KRT83: variants seen among roughly 807,000 people sequenced by gnomAD.
The protein encoded by KRT83 is keratin, type II cuticular Hb3.
A neutral mutation model predicts 52.9 loss-of-function variants in KRT83; 51 were observed. The observed-to-expected ratio is 0.96, with a 90% CI of 0.77 to 1.22. KRT83 has a LOEUF of 1.22. Among genes scored for constraint, KRT83 ranks in the 50% most tolerant of loss-of-function variants. KRT83 has a pLI of 0.00. For synonymous variants in KRT83, 278 were observed against 274.1 expected, an observed-to-expected ratio of 1.01 and a Z score of -0.14; for missense variants, 654 against 666.5, an observed-to-expected ratio of 0.98 and a Z score of 0.21.
chr12:52,316,002 G>A lies in KRT83; in HGVS notation c.1153C>T (p.Gln385Ter). 2 of 1,613,346 alleles carry A rather than the reference G, an allele frequency of 1.2e-6. No homozygotes were observed. The highest frequency in any genetic ancestry group is 1.7e-6 in the Non-Finnish European group (2 of 1,179,944). The change falls in exon 7 of 9, where the codon CAA (glutamine) becomes TAA (stop). Residue 385 changes from glutamine to a stop codon, truncating the protein, a stop_gained. Transcript: ENST00000293670. LOFTEE classifies it high-confidence loss of function. ...TCCCTGATCAGGCAGGCCATGTCTT[G>A]CTTGGCCTTCTGCAGGGCGCCCTCC... ...ELEGALQKAK[Q>*]DMACLIREYQ...
Position 52,316,014 on chromosome 12 carries a change from GC to G in KRT83, c.1140del (p.Gln381ArgfsTer10). 6.2e-7 allele frequency: 1 copy of G among 1,613,456 alleles called. No homozygotes were observed. Among genetic ancestry groups the G allele is most frequent in the Non-Finnish European group, 8.5e-7 (1 of 1,179,962 alleles). ...RCKLAELEGA[L>X]QKAKQDMACL... is the part of the protein sequence containing the mutation. ...CAGGCCATGTCTTGCTTGGCCTTCT[GC>G]AGGGCGCCCTCCAGCTCGGCCAGCT... is the stretch of plus-strand genomic sequence containing the variant. On this transcript the variant is annotated frameshift_variant, in exon 7 of 9. Coordinates refer to ENST00000293670, the MANE Select transcript of KRT83 (RefSeq NM_002282.3). LOFTEE classifies it high-confidence loss of function.
chr12:52,314,946 A>AGGTAT, intron 8 of KRT83, 128 bp from the exon 9 acceptor site: 3 of 967,542 alleles, frequency 3.1e-6, no homozygotes, highest in Middle Eastern at 3.2e-4. Flanking sequence ...TCTATTCTGA[A>AGGTAT]GGAGGGAACC....
intron 5 of KRT83, 120 bp from the exon 6 acceptor site, chr12:52,316,713 G>A (rs1938693604): frequency 6.3e-7 from 1 of 1,591,598 alleles, no homozygotes; most frequent in African/African-American, 1.3e-5. Flanking sequence ...TGGCAGTCCT[G>A]CCCTGCCACC....
Position 52,314,666 on chromosome 12 carries a change from A to G in KRT83, c.1447T>C (p.Cys483Arg). Reference sequence around the variant, plus strand: ...CCCTGGCCGCAGGAGCCCCCTCCACAGGTGGTGTTCAGCTGGCCACAGGGC... The same window carrying G: ...CCCTGGCCGCAGGAGCCCCCTCCACGGGTGGTGTTCAGCTGGCCACAGGGC... Reference protein sequence around the residue: ...CKPCGQLNTTCGGGSCGQGRH With the variant: ...CKPCGQLNTTRGGGSCGQGRH The change falls in exon 9 of 9, where the codon TGT becomes CGT. Residue 483 changes from cysteine (C) to arginine (R), a missense_variant. By Grantham distance (180) the Cys-to-Arg change is radical (BLOSUM62 -3). Transcript: ENST00000293670. 1 of 1,578,234 alleles carries G rather than the reference A, an allele frequency of 6.3e-7. No homozygotes were observed. The highest frequency in any genetic ancestry group is 8.6e-7 in the Non-Finnish European group (1 of 1,162,046).
intron 7 of KRT83, 150 bp from the exon 8 acceptor site, chr12:52,315,493 C>A: frequency 2.4e-6 from 2 of 832,564 alleles, no homozygotes; most frequent in South Asian, 1.4e-5. Flanking sequence ...GCCTTTCTGG[C>A]AGTTGAAGCA....
intron 8 of KRT83, 116 bp downstream of exon 8, chr12:52,315,196 C>T: frequency 8.9e-7 from 1 of 1,121,672 alleles, no homozygotes; most frequent in Non-Finnish European, 1.4e-6. Context: ...CCAACCTATC[C>T]TCTTTACTGG....
chr12:52,321,230 G>C lies in KRT83; in HGVS notation c.106C>G (p.Pro36Ala). ...RPSRCCITAAPYRGISCYRGL... is the reference protein window; with the variant it reads ...RPSRCCITAAAYRGISCYRGL... The stretch of plus-strand genomic sequence containing the variant: ...CGGTAGCAGGAGATGCCGCGGTAGG[G>C]GGCGGCGGTGATGCAGCAGCGGCTT... Residue 36 changes from proline (P) to alanine (A), a missense_variant, in exon 1 of 9, where the codon CCC (proline) becomes GCC (alanine). Physicochemically the swap from Pro to Ala is conservative, Grantham distance 27. Transcript: ENST00000293670. The C allele has an allele frequency of 1.2e-6, 2 of 1,613,542 alleles. No homozygotes were observed. The highest frequency in any genetic ancestry group is 8.5e-7 in the Non-Finnish European group (1 of 1,179,878).
chr12:52,316,173 C>T, intron 6 of KRT83, 60 bp from the exon 7 acceptor site: 1 of 1,591,216 alleles, frequency 6.3e-7, no homozygotes, highest in South Asian at 1.1e-5. Flanking sequence ...GAAATCCCAG[C>T]CAGTCTCCAA....
Position 52,316,590 on chromosome 12 carries a change from C to T in KRT83, c.919G>A (p.Glu307Lys). 1.2e-6 allele frequency: 2 copies of T among 1,614,180 alleles called. No individual in the cohort carries two copies. The highest frequency in any genetic ancestry group is 1.7e-6 in the Non-Finnish European group (2 of 1,180,036). Residue 307 changes from glutamate to lysine, a missense_variant, in exon 6 of 9, where the codon GAG (glutamate) becomes AAG (lysine). Physicochemically the swap from Glu to Lys is moderately conservative, Grantham distance 56. Transcript: ENST00000293670. Reference sequence around the variant, plus strand: ...CTGATCACTGTGGCCTTCATCTCCTCACACTGCAGGAAGCAGAGATGTTCA... The same window carrying T: ...CTGATCACTGTGGCCTTCATCTCCTTACACTGCAGGAAGCAGAGATGTTCA... Reference protein sequence around the residue: ...EAESWYRSKCEEMKATVIRHG... With the variant: ...EAESWYRSKCKEMKATVIRHG...
rs755719932 is a variant in KRT83, at chr12:52,316,552, G to T, written c.957C>A (p.Thr319=). Residue 319 remains threonine (T), a synonymous_variant, in exon 6 of 9, where the codon ACC becomes ACA. Transcript: ENST00000293670. Reference sequence around the variant, plus strand: ...TGATCTCCTCCTTGGTGCGGCGCAGGGTCTCCCCGTGCCTGATCACTGTGG... The same window carrying T: ...TGATCTCCTCCTTGGTGCGGCGCAGTGTCTCCCCGTGCCTGATCACTGTGG... The part of the protein sequence containing the change: ...MKATVIRHGE[T]LRRTKEEINE... 5.3e-5 allele frequency: 86 copies of T among 1,613,952 alleles called. No individual in the cohort carries two copies. Among genetic ancestry groups the T allele is most frequent in the Non-Finnish European group, 6.9e-5 (82 of 1,180,024 alleles).
intron 1 of KRT83, 60 bp from the exon 2 acceptor site, chr12:52,319,424 G>A (rs1938738476): frequency 6.2e-7 from 1 of 1,608,214 alleles, no homozygotes; most frequent in Non-Finnish European, 8.5e-7. Flanking sequence ...ACAAAGAGGG[G>A]TTCCCAGCAC....
rs542903703 is a variant in KRT83, at chr12:52,316,406, C to A, written c.1041+62G>T. ...GACTTTTCCAGAATCTAACTCAAAT[C>A]CCTCTGCCGAGGGCTAACCCCAGTC... On this transcript the variant is annotated intron_variant, in intron 6 of 8. Transcript: ENST00000293670. 20 of 1,611,564 alleles carry A rather than the reference C, an allele frequency of 1.2e-5. No individual in the cohort carries two copies. The African/African-American group carries it at 2.7e-4, about 21-fold the overall frequency.
At position 52,314,831 on chromosome 12, in the gene KRT83, G is replaced by A; in HGVS notation, c.1295-13C>T. ...GAGCTGCTGACACCTGTGGGAACAA[G>A]GGCAGGGTCAAGAGACCCCTGCTGA... On this transcript the variant is annotated splice_polypyrimidine_tract_variant and intron_variant, in intron 8 of 8. Coordinates refer to ENST00000293670, the MANE Select transcript of KRT83 (RefSeq NM_002282.3). 1.9e-6 allele frequency: 3 copies of A among 1,597,514 alleles called. No individual in the cohort carries two copies. Among genetic ancestry groups the A allele is most frequent in the Non-Finnish European group, 2.6e-6 (3 of 1,172,490 alleles).
rs71092759 is a variant in KRT83, at chr12:52,316,261, T to TACACACAC, written c.1042-156_1042-149dup. The TACACACAC allele has an allele frequency of 1.5e-3, 1,256 of 812,222 alleles. 14 individuals are homozygous for TACACACAC. The African/African-American group carries it at 0.018, about 12-fold the overall frequency. 50.3% of individuals were successfully genotyped at this position (812,222 alleles called of 1,614,324 possible). A position where few individuals can be genotyped will look rare whatever the true frequency, so the allele number is the denominator to read the frequency against. ...ACCTTCCTTCCCTCCTCACTTACAC[T>TACACACAC]ACACACACACACACACACACACACC... is the stretch of plus-strand genomic sequence containing the variant. On this transcript the variant is annotated intron_variant, in intron 6 of 8. Coordinates refer to ENST00000293670, the MANE Select transcript of KRT83 (RefSeq NM_002282.3).
At chr12:52,319,435 G>A (rs1037013184) in intron 1 of KRT83, 71 bp from the exon 2 acceptor site, 24 of 1,598,342 alleles carry the variant, frequency 1.5e-5, no homozygotes, top group Admixed American at 8.6e-5. Flanking sequence ...TTCCCAGCAC[G>A]AGGGCCTGAA....
chr12:52,316,323 A>G (rs1938686730), intron 6 of KRT83, 145 bp downstream of exon 6: 1 of 1,320,832 alleles, frequency 7.6e-7, no homozygotes, highest in Non-Finnish European at 1.1e-6. Flanking sequence ...CAAGACAATC[A>G]GAAATATTTC....
chr12:52,315,363 G>A lies in KRT83; in HGVS notation c.1263-20C>T. The stretch of plus-strand genomic sequence containing the variant: ...CACAGCCTGAGTGGGGAAAAAGTAA[G>A]GAAGGGGAAGATAAAAGAAGTCAGA... On this transcript the variant is annotated intron_variant, in intron 7 of 8. Transcript: ENST00000293670. The A allele has an allele frequency of 1.2e-6, 2 of 1,613,326 alleles. No homozygotes were observed. Among genetic ancestry groups the A allele is most frequent in the Non-Finnish European group, 1.7e-6 (2 of 1,179,394 alleles).
intron 6 of KRT83, 147 bp from the exon 7 acceptor site, chr12:52,316,260 C>CTACA: frequency 3.4e-6 from 3 of 893,246 alleles, no homozygotes; most frequent in Non-Finnish European, 4.9e-6. Context: ...CTCACTTACA[C>CTACA]TACACACACA....
At chr12:52,317,643 G>A in intron 4 of KRT83, 38 bp downstream of exon 4, 1 of 1,600,692 alleles carries the variant, frequency 6.2e-7, no homozygotes, top group Non-Finnish European at 8.6e-7. Context: ...GGGATCCCAT[G>A]GGGGGATCTG....
Sources: allele counts gnomAD v4.1 joint callset, GRCh38; gene constraint gnomAD v4.1.1; transcripts MANE v1.5; gene names NCBI Gene and HGNC (gene_info 2026-07-23, HGNC 2026-07-21).